The following CEP97 variants were observed in gnomAD, a reference collection of about 807,000 sequenced individuals.
CEP97 encodes centrosomal protein 97, also known as centrosomal protein of 97 kDa.
Under a neutral mutation model 73.1 loss-of-function variants are expected in CEP97, and 43 were observed. The observed-to-expected ratio is 0.59, with a 90% CI of 0.46 to 0.76. CEP97 has a LOEUF of 0.76. CEP97 is among the 30% of genes least tolerant of loss of function. CEP97 has a pLI of 0.00. For synonymous variants in CEP97, 337 were observed against 370.0 expected (o/e 0.91, Z 1.02); for missense variants, 939 against 1,014.0 (o/e 0.93, Z 1.00).
intron 6 of CEP97, among the ~76,000 whole-genome samples, chr3:101,736,366 T>C (rs1452823471): frequency 1.3e-5 from 2 of 152,176 alleles, no homozygotes; most frequent in African/African-American, 4.8e-5. Flanking sequence ...ACAGACTGTC[T>C]CCTCAAGTGG....
At position 101,767,717 on chromosome 3, in the gene CEP97, TATG is replaced by T. The variant is rs1232468867; in HGVS notation, c.*2169_*2171del. 6.6e-6 allele frequency: 1 copy of T among 152,212 alleles called. No individual in the cohort carries two copies. The highest frequency in any genetic ancestry group is 1.5e-5 in the Non-Finnish European group (1 of 68,028). The allele number at this position is 152,212 out of a possible 1,614,324, so 9.4% of individuals were successfully genotyped here. ...TACTTTCATTAAAAATTTGGCACAA[TATG>T]ATAATTGTTAATATTCTGTTCTTCG... On this transcript the variant is annotated 3_prime_UTR_variant, in exon 11 of 11. Coordinates refer to ENST00000341893, the MANE Select transcript of CEP97 (RefSeq NM_024548.4).
intron 6 of CEP97, among the ~76,000 whole-genome samples, chr3:101,743,502 C>T (rs578239801): frequency 1.6e-4 from 24 of 152,100 alleles, no homozygotes; most frequent in Non-Finnish European, 2.5e-4. Context: ...CTGAAGGGAC[C>T]GTCCTGTCTC....
Position 101,767,625 on chromosome 3 carries a change from C to T in CEP97, c.*2074C>T, listed in dbSNP as rs924960035. Reference sequence around the variant, plus strand: ...ACAACTAAATTCATTTGATCATCAGCACTTGTTAGCAGGATTTCCTTTTTT... The same window carrying T: ...ACAACTAAATTCATTTGATCATCAGTACTTGTTAGCAGGATTTCCTTTTTT... On this transcript the variant is annotated 3_prime_UTR_variant, in exon 11 of 11. Transcript: ENST00000341893. The T allele has an allele frequency of 6.6e-6, 1 of 152,178 alleles. No individual in the cohort carries two copies. Among genetic ancestry groups the T allele is most frequent in the Non-Finnish European group, 1.5e-5 (1 of 68,026 alleles). The allele number at this position is 152,178 out of a possible 1,614,324, so 9.4% of individuals were successfully genotyped here. A position where few individuals can be genotyped will look rare whatever the true frequency, so the allele number is the denominator to read the frequency against.
chr3:101,724,791 C>G (rs958892813), intron 1 of CEP97, 72 bp downstream of exon 1: 5 of 1,521,848 alleles, frequency 3.3e-6, no homozygotes, highest in African/African-American at 1.4e-5. Flanking sequence ...GAGCAGAAAA[C>G]CTAGGTTTAG....
In CEP97 at chr3:101,754,042, CTTTTTTTTTTTTTTTTTT is replaced by C. The variant is rs35323976; in HGVS notation, c.729-1379_729-1362del. On this transcript the variant is annotated intron_variant, in intron 6 of 10. Coordinates refer to ENST00000341893, the MANE Select transcript of CEP97 (RefSeq NM_024548.4). ...ACCGGAGCTGTTCCTATTTGGCCATCTTTTTTTTTTTTTTTTTTTTTTTTTTAAGAAACAAGAGTCTTG... is the reference window on the plus strand; with the variant it reads ...ACCGGAGCTGTTCCTATTTGGCCATCTTTTTTTTAAGAAACAAGAGTCTTG... Among the ~76,000 whole-genome samples, 16 of 75,468 alleles carry C rather than the reference CTTTTTTTTTTTTTTTTTT, an allele frequency of 2.1e-4. No individual in the cohort carries two copies. In the South Asian group the frequency reaches 9.5e-3, roughly 45 times the overall value. 49.5% of individuals were successfully genotyped at this position (75,468 alleles called of 152,430 possible).
chr3:101,754,901 T>C (rs1393390176), intron 6 of CEP97, among the ~76,000 whole-genome samples: 1 of 151,814 alleles, frequency 6.6e-6, no homozygotes, highest in East Asian at 1.9e-4. Context: ...GTTTGATTTT[T>C]TTTTTTTTTT....
intron 10 of CEP97, among the ~76,000 whole-genome samples, chr3:101,764,600 A>G (rs188986936): frequency 1.3e-5 from 2 of 150,210 alleles, no homozygotes; most frequent in African/African-American, 4.9e-5. Flanking sequence ...AACAAGAGCG[A>G]AACTCCATCT....
At chr3:101,735,076 C>T (rs1213312336) in intron 6 of CEP97, among the ~76,000 whole-genome samples, 1 of 151,988 alleles carries the variant, frequency 6.6e-6, no homozygotes, top group African/African-American at 2.4e-5. Flanking sequence ...TAGGACTGGT[C>T]ATATAGTAGG....
Position 101,765,613 on chromosome 3 carries a change from GC to G in CEP97, c.*63del. The G allele has an allele frequency of 7.1e-7, 1 of 1,401,564 alleles. No individual in the cohort carries two copies. The highest frequency in any genetic ancestry group is 2.3e-5 in the East Asian group (1 of 43,086). The allele number at this position is 1,401,564 out of a possible 1,614,324, so 86.8% of individuals were successfully genotyped here. On this transcript the variant is annotated 3_prime_UTR_variant, in exon 11 of 11. Coordinates refer to ENST00000341893, the MANE Select transcript of CEP97 (RefSeq NM_024548.4). The stretch of plus-strand genomic sequence containing the variant: ...CTTAAAAATACTTTCAGTTGCCTTT[GC>G]TTTTTTTTGGAGGGAAATACTCCCT...
At chr3:101,731,578 A>T (rs1044617861) in intron 4 of CEP97, among the ~76,000 whole-genome samples, 3 of 152,226 alleles carry the variant, frequency 2.0e-5, no homozygotes, top group African/African-American at 7.2e-5. Context: ...ATCTCACAGC[A>T]TGCCTAGTTG....
At chr3:101,749,456 C>T (rs891116320) in intron 6 of CEP97, among the ~76,000 whole-genome samples, 6 of 134,126 alleles carry the variant, frequency 4.5e-5, no homozygotes, top group African/African-American at 5.7e-5. Flanking sequence ...AATAAACATA[C>T]GTGTGCATGT....
intron 6 of CEP97, among the ~76,000 whole-genome samples, chr3:101,736,183 G>A (rs1938269874): frequency 6.6e-6 from 1 of 152,196 alleles, no homozygotes; most frequent in African/African-American, 2.4e-5. Context: ...TGAAAGAAAG[G>A]CAGCAGCCCC....
chr3:101,761,650 T>C (rs1939180319), intron 9 of CEP97, among the ~76,000 whole-genome samples: 1 of 152,132 alleles, frequency 6.6e-6, no homozygotes, highest in Admixed American at 6.5e-5. Flanking sequence ...CAGAGGGCTA[T>C]AGTGCTCTCA....
rs367619625 is a variant in CEP97, at chr3:101,765,188, A to C, written c.2235A>C (p.Glu745Asp). 1 of 1,614,114 alleles carries C rather than the reference A, an allele frequency of 6.2e-7. No homozygotes were observed. The highest frequency in any genetic ancestry group is 8.5e-7 in the Non-Finnish European group (1 of 1,180,044). ...TTGACACAGTCAGATATGGCAAAGAATCAGATTTAGGGGATGTTAGTGAAG... is the reference window on the plus strand; with the variant it reads ...TTGACACAGTCAGATATGGCAAAGACTCAGATTTAGGGGATGTTAGTGAAG... ...NSIDTVRYGK[E>D]SDLGDVSEEH... The change falls in exon 11 of 11, where the codon GAA becomes GAC. Residue 745 changes from glutamate (E) to aspartate (D), a missense_variant. By Grantham distance (45) the Glu-to-Asp change is conservative. Transcript: ENST00000341893.
At position 101,766,406 on chromosome 3, in the gene CEP97, A is replaced by G. The variant is rs1939319039; in HGVS notation, c.*855A>G. On this transcript the variant is annotated 3_prime_UTR_variant, in exon 11 of 11. Coordinates refer to ENST00000341893, the MANE Select transcript of CEP97 (RefSeq NM_024548.4). ...TGTTGTCAGAAATTAATGTATGTTC[A>G]TCTCCTCTGTTCCTGCTTATTTTTA... The G allele has an allele frequency of 6.6e-6, 1 of 152,546 alleles. No homozygotes were observed. The highest frequency in any genetic ancestry group is 2.4e-5 in the African/African-American group (1 of 41,418). 9.4% of individuals were successfully genotyped at this position (152,546 alleles called of 1,614,324 possible). A position where few individuals can be genotyped will look rare whatever the true frequency, so the allele number is the denominator to read the frequency against.
intron 6 of CEP97, among the ~76,000 whole-genome samples, chr3:101,752,464 C>G (rs1938862550): frequency 6.6e-6 from 1 of 152,300 alleles, no homozygotes; most frequent in African/African-American, 2.4e-5. Flanking sequence ...TGGGGAAGTT[C>G]TCCTGGATAA....
chr3:101,728,735 TAAG>T, intron 3 of CEP97, 98 bp from the exon 4 acceptor site: 1 of 742,054 alleles, frequency 1.3e-6, no homozygotes, highest in Admixed American at 2.2e-5. Flanking sequence ...CTTCTAATAA[TAAG>T]AGGAGGGAAG....
At position 101,727,418 on chromosome 3, in the gene CEP97, G is replaced by A; in HGVS notation, c.222G>A (p.Met74Ile). ...SVANNRLVRM[M>I]GVAKLTLLRV... is the part of the protein sequence containing the mutation. ...CTAATAATCGGCTGGTTCGGATGATGGGTGTGGCCAAGCTGACGTTGCTTC... is the reference window on the plus strand; with the variant it reads ...CTAATAATCGGCTGGTTCGGATGATAGGTGTGGCCAAGCTGACGTTGCTTC... The change falls in exon 3 of 11, where the codon ATG becomes ATA. Residue 74 changes from methionine (M) to isoleucine (I), a missense_variant. Physicochemically the swap from Met to Ile is conservative, Grantham distance 10. Coordinates refer to ENST00000341893, the MANE Select transcript of CEP97 (RefSeq NM_024548.4). The A allele has an allele frequency of 6.2e-7, 1 of 1,613,732 alleles. No individual in the cohort carries two copies. The highest frequency in any genetic ancestry group is 8.5e-7 in the Non-Finnish European group (1 of 1,179,800).
intron 6 of CEP97, among the ~76,000 whole-genome samples, chr3:101,748,351 T>C (rs1006550315): frequency 5.9e-5 from 9 of 152,100 alleles, no homozygotes; most frequent in African/African-American, 2.2e-4. Context: ...ATCTACAGTT[T>C]GTGTTTTTTT....
Sources: allele counts gnomAD v4.1 joint callset (sites outside exome capture counted in the v4.1 genomes callset), GRCh38; gene constraint gnomAD v4.1.1; transcripts MANE v1.5; gene names NCBI Gene and HGNC (gene_info 2026-07-23, HGNC 2026-07-21).